The following CACNA1C variants were observed in gnomAD, a reference collection of about 807,000 sequenced individuals.
CACNA1C encodes voltage-dependent L-type calcium channel subunit alpha-1C.
Under a neutral mutation model 229.0 loss-of-function variants are expected in CACNA1C, and 30 were observed. That is an observed-to-expected ratio of 0.13 (90% CI 0.10 to 0.18). The LOEUF (loss-of-function observed/expected upper bound fraction) is 0.18, where lower values mean the gene tolerates loss of function less well. CACNA1C is among the 10% of genes least tolerant of loss of function. CACNA1C has a pLI of 1.00. For synonymous variants in CACNA1C, 1,114 were observed against 1,132.5 expected, an observed-to-expected ratio of 0.98 and a Z score of 0.33; for missense variants, 1,658 against 2,845.0, an observed-to-expected ratio of 0.58 and a Z score of 9.49.
chr12:2,625,461 G>T (rs2085872439), intron 29 of CACNA1C, among the ~76,000 whole-genome samples: 1 of 152,224 alleles, frequency 6.6e-6, no homozygotes, highest in East Asian at 1.9e-4. Context: ...GGTGCTGCCA[G>T]TGCTTCCGGC....
intron 1 of CACNA1C, among the ~76,000 whole-genome samples, chr12:2,102,895 C>G (rs7306123): frequency 0.03 from 4,607 of 152,296 alleles, 226 homozygotes; most frequent in African/African-American, 0.1. Context: ...TCATCCATGT[C>G]CCTGCAAAGG....
At chr12:2,587,424 C>T (rs964571126) in intron 18 of CACNA1C, among the ~76,000 whole-genome samples, 3 of 152,222 alleles carry the variant, frequency 2.0e-5, no homozygotes, top group Non-Finnish European at 4.4e-5. Flanking sequence ...CCTCCCTGCA[C>T]ACACAACAGG....
intron 3 of CACNA1C, among the ~76,000 whole-genome samples, chr12:2,437,836 A>AATGATGGTGGTG (rs200005269): frequency 8.0e-6 from 1 of 124,764 alleles, no homozygotes. Flanking sequence ...TGGTGGTGGT[A>AATGATGGTGGTG]ATGATGGTGG....
chr12:2,450,400 A>G (rs999989424), intron 4 of CACNA1C, among the ~76,000 whole-genome samples: 6 of 151,698 alleles, frequency 4.0e-5, no homozygotes, highest in African/African-American at 1.5e-4. Context: ...TAAAAATACA[A>G]AAACTTAGCC....
In CACNA1C at chr12:2,679,225, G is replaced by A. The variant is rs991579999; in HGVS notation, c.5092-219G>A. Among the ~76,000 whole-genome samples the A allele has an allele frequency of 1.3e-5, 2 of 152,214 alleles. No individual in the cohort carries two copies. Among genetic ancestry groups the A allele is most frequent in the Non-Finnish European group, 2.9e-5 (2 of 68,036 alleles). ...GTTCTCCCAGCTGCTGCAGAGGGGA[G>A]TCCAGAGCCTTGAGACTCCGGGTCC... On this transcript the variant is annotated intron_variant, in intron 41 of 46. Transcript: ENST00000399655. This position sits in a 1 kb window ranked among gnomAD's most constrained non-coding sequence, Gnocchi z 5.5.
At chr12:2,547,628 G>A (rs1479136534) in intron 9 of CACNA1C, 1 of 718,224 alleles carries the variant, frequency 1.4e-6, no homozygotes, top group East Asian at 2.6e-5. Context: ...AGTTCTGTGT[G>A]TGTGCATATA....
intron 13 of CACNA1C, among the ~76,000 whole-genome samples, chr12:2,571,994 T>G (rs2054707766): frequency 6.6e-6 from 1 of 152,102 alleles, no homozygotes; most frequent in South Asian, 2.1e-4. Context: ...GAAAGTACTT[T>G]GCAATGTCTT....
intron 1 of CACNA1C, among the ~76,000 whole-genome samples, chr12:2,113,173 A>G (rs981250693): frequency 2.6e-5 from 4 of 152,162 alleles, no homozygotes; most frequent in Non-Finnish European, 5.9e-5. Context: ...GGTAAGGGCT[A>G]ACTTCAGGTG....
At chr12:2,066,992 A>T (rs554566409) in intron 1 of CACNA1C, among the ~76,000 whole-genome samples, 2 of 152,150 alleles carry the variant, frequency 1.3e-5, no homozygotes, top group Admixed American at 1.3e-4. Flanking sequence ...ACCCAAAGAA[A>T]TCCACAAGGG....
At chr12:2,107,356 C>T (rs1201156531) in intron 1 of CACNA1C, among the ~76,000 whole-genome samples, 3 of 49,748 alleles carry the variant, frequency 6.0e-5, no homozygotes, top group Admixed American at 1.9e-4. Flanking sequence ...CACTGGGCGC[C>T]CACCCCGGGG....
intron 9 of CACNA1C, among the ~76,000 whole-genome samples, chr12:2,532,508 G>A (rs1209576480): frequency 6.6e-6 from 1 of 152,172 alleles, no homozygotes; most frequent in Admixed American, 6.5e-5. Flanking sequence ...CACCATCCAG[G>A]TAGTTGTTAC....
At chr12:2,259,737 C>T (rs2079340183) in intron 3 of CACNA1C, among the ~76,000 whole-genome samples, 1 of 152,188 alleles carries the variant, frequency 6.6e-6, no homozygotes, top group South Asian at 2.1e-4. Flanking sequence ...GAGTGCATTA[C>T]AGCCTGGGCA....
intron 3 of CACNA1C, among the ~76,000 whole-genome samples, chr12:2,158,172 T>C (rs902352912): frequency 2.0e-5 from 3 of 152,152 alleles, no homozygotes; most frequent in African/African-American, 7.2e-5. Context: ...AACAGAAGGA[T>C]ATTAGTATCC....
intron 1 of CACNA1C, among the ~76,000 whole-genome samples, chr12:2,061,671 C>T (rs541287371): frequency 1.3e-5 from 2 of 152,292 alleles, no homozygotes; most frequent in African/African-American, 2.4e-5. Context: ...TGCCTGGCTT[C>T]GGCCTCAAGT....
intron 5 of CACNA1C, among the ~76,000 whole-genome samples, chr12:2,459,162 T>A (rs2099474869): frequency 1.1e-5 from 1 of 92,528 alleles, no homozygotes; most frequent in East Asian, 3.7e-4. Flanking sequence ...TTTGTTTTTT[T>A]GTGTGTGTTT....
chr12:2,118,445 G>A (rs562103830), intron 2 of CACNA1C, among the ~76,000 whole-genome samples: 1 of 152,334 alleles, frequency 6.6e-6, no homozygotes, highest in African/African-American at 2.4e-5. Flanking sequence ...AAGGCTTCAA[G>A]GTAACTTTAG....
At chr12:2,179,341 CCTG>C (rs2096762795) in intron 3 of CACNA1C, among the ~76,000 whole-genome samples, 1 of 152,116 alleles carries the variant, frequency 6.6e-6, no homozygotes, top group Admixed American at 6.6e-5. Flanking sequence ...GTTCCCTGGA[CCTG>C]CTGATGATAG....
At chr12:2,145,805 A>G (rs1393214484) in intron 3 of CACNA1C, among the ~76,000 whole-genome samples, 3 of 151,152 alleles carry the variant, frequency 2.0e-5, no homozygotes, top group Non-Finnish European at 4.4e-5. Context: ...CCTGATAGTC[A>G]TTTCATGCTA....
chr12:2,037,824 C>A lies in CACNA1C; in HGVS notation c.139+66623C>A, dbSNP rs150484930. 7.1e-3 allele frequency among the ~76,000 whole-genome samples: 1,084 copies of A among 152,258 alleles called. 5 individuals carry two copies. The highest frequency in any genetic ancestry group is 0.012 in the Non-Finnish European group (817 of 68,024). ...GAAATCCAGAATCTCAGGCTCTACC[C>A]AGATCTACTGAATCAGAATCTGTAT... On this transcript the variant is annotated intron_variant, in intron 1 of 46. Coordinates refer to the CACNA1C transcript ENST00000682462.
Sources: allele counts gnomAD v4.1 joint callset (sites outside exome capture counted in the v4.1 genomes callset), GRCh38; gene constraint gnomAD v4.1.1; non-coding constraint Gnocchi (gnomAD v3.1); transcripts MANE v1.5; gene names NCBI Gene and HGNC (gene_info 2026-07-23, HGNC 2026-07-21).